NHLRC3: variants seen among roughly 807,000 people sequenced by gnomAD.
The protein encoded by NHLRC3 is NHL repeat-containing protein 3.
NHLRC3 carries 23 observed loss-of-function variants against 32.0 expected under a neutral mutation model. The observed-to-expected ratio is 0.72, with a 90% CI of 0.52 to 1.02. The LOEUF is 1.02. Ranked by LOEUF, NHLRC3 falls within the 50% of genes least tolerant of loss-of-function variation. The pLI is 0.00. For missense variants in NHLRC3, 407 were observed against 406.8 expected (o/e 1.00, Z -0.01); for synonymous variants, 159 against 147.9 (o/e 1.08, Z -0.55).
At position 39,039,565 on chromosome 13, in the gene NHLRC3, G is replaced by C. The variant is rs775410085; in HGVS notation, c.239G>C (p.Arg80Thr). The change falls in exon 3 of 7, where the codon AGA becomes ACA. Residue 80 changes from arginine to threonine, a missense_variant and splice_region_variant. Physicochemically the swap from Arg to Thr is moderately conservative, Grantham distance 71 (BLOSUM62 -1). Transcript: ENST00000379600. ...AAGTTATTTTTTGTATACCTTCAGA[G>C]AGGGGATAACATCCCAAAGATATTA... ...SLNGLVYIGQ[R>T]GDNIPKILVF... 2.5e-6 allele frequency: 4 copies of C among 1,609,964 alleles called. No homozygotes were observed. In the South Asian group the frequency reaches 4.4e-5, roughly 18 times the overall value.
In NHLRC3 at chr13:39,048,902, C is replaced by T. The variant is rs540937479; in HGVS notation, c.*976C>T. The T allele has an allele frequency of 2.0e-5, 3 of 152,354 alleles. No homozygotes were observed. The highest frequency in any genetic ancestry group is 4.2e-4 in the South Asian group (2 of 4,796). 9.4% of individuals were successfully genotyped at this position (152,354 alleles called of 1,614,324 possible). ...TCAACTTATTCCTAACATTTGTCTA[C>T]CTCAAAGAAATTTCAAGATTATTTA... On this transcript the variant is annotated 3_prime_UTR_variant, in exon 7 of 7. Transcript: ENST00000379600.
intron 5 of NHLRC3, among the ~76,000 whole-genome samples, chr13:39,046,202 C>A (rs1237924583): frequency 6.6e-6 from 1 of 152,186 alleles, no homozygotes; most frequent in Non-Finnish European, 1.5e-5. Context: ...CCTGTAGTCT[C>A]AGCTACTCGG....
chr13:39,043,931 GAAATGGGC>G (rs965448082), intron 4 of NHLRC3, among the ~76,000 whole-genome samples, 151 bp from the exon 5 acceptor site: 9 of 152,134 alleles, frequency 5.9e-5, no homozygotes, highest in Middle Eastern at 3.4e-3. Context: ...AAAACTGTAA[GAAATGGGC>G]AAATGGGCAT....
Position 39,047,763 on chromosome 13 carries a change from G to A in NHLRC3, c.881G>A (p.Gly294Glu). Residue 294 changes from glycine to glutamate, a missense_variant, in exon 7 of 7, where the codon GGG (glycine) becomes GAG (glutamate). By Grantham distance (98) the Gly-to-Glu change is moderately conservative. Coordinates refer to ENST00000379600, the MANE Select transcript of NHLRC3 (RefSeq NM_001012754.4). ...GCAGCACCCCCAGTGGGAAGCATTG[G>A]GGAGTGTTCTGTGATCAGCACAATC... ...VVAAPPVGSIGECSVISTIQL... is the reference protein window; with the variant it reads ...VVAAPPVGSIEECSVISTIQL... The A allele has an allele frequency of 6.2e-7, 1 of 1,614,104 alleles. No individual in the cohort carries two copies.
At position 39,039,213 on chromosome 13, in the gene NHLRC3, G is replaced by A. The variant is rs1413807352; in HGVS notation, c.162G>A (p.Lys54=). 1.9e-6 allele frequency: 3 copies of A among 1,613,898 alleles called. No homozygotes were observed. The East Asian group carries it at 6.7e-5, about 36-fold the overall frequency. ...ACCGGCTGGATGTGGGTTGGCCTAA[G>A]CACCCAGAATATTTTACCGGAACAA... The part of the protein sequence containing the change: ...ILYRLDVGWP[K]HPEYFTGTTF... The change falls in exon 2 of 7, where the codon AAG becomes AAA. Residue 54 remains lysine, a synonymous_variant. Coordinates refer to ENST00000379600, the MANE Select transcript of NHLRC3 (RefSeq NM_001012754.4).
rs1461674128 is a variant in NHLRC3 at position 39,047,033 on chromosome 13, T to A, written c.679-7T>A. 1 of 1,558,908 alleles carries A rather than the reference T, an allele frequency of 6.4e-7. No homozygotes were observed. On this transcript the variant is annotated splice_region_variant and splice_polypyrimidine_tract_variant and intron_variant, in intron 5 of 6. Coordinates refer to ENST00000379600, the MANE Select transcript of NHLRC3 (RefSeq NM_001012754.4). ...TTTTTCAATTGACATTTTTGTGTGT[T>A]TCTCAGGTGTGGGTTGCTGACCGAG...
chr13:39,043,915 A>G (rs1434401034), intron 4 of NHLRC3, among the ~76,000 whole-genome samples, 175 bp from the exon 5 acceptor site: 2 of 148,080 alleles, frequency 1.4e-5, no homozygotes, highest in African/African-American at 5.1e-5. Context: ...AAGGAACTTT[A>G]AAAAAAAAAC....
intron 5 of NHLRC3, among the ~76,000 whole-genome samples, chr13:39,045,464 G>A (rs753453521): frequency 6.6e-5 from 10 of 152,262 alleles, no homozygotes; most frequent in Non-Finnish European, 1.3e-4. Flanking sequence ...ATACAAAATT[G>A]TGTTTTATAA....
intron 5 of NHLRC3, among the ~76,000 whole-genome samples, chr13:39,046,798 G>C (rs1234637542): frequency 6.6e-6 from 1 of 151,290 alleles, no homozygotes; most frequent in East Asian, 1.9e-4. Flanking sequence ...ACAGTAGACA[G>C]AGTATTATAA....
chr13:39,039,125 T>C lies in NHLRC3; in HGVS notation c.85-11T>C. ...GGTAAACTAAATCTGAATTGTCTGA[T>C]TTTGTTTAAGGTTTTGAGGAACTTT... On this transcript the variant is annotated splice_polypyrimidine_tract_variant and intron_variant, in intron 1 of 6. Coordinates refer to ENST00000379600, the MANE Select transcript of NHLRC3 (RefSeq NM_001012754.4). 1 of 1,609,988 alleles carries C rather than the reference T, an allele frequency of 6.2e-7. No homozygotes were observed. Among genetic ancestry groups the C allele is most frequent in the Non-Finnish European group, 8.5e-7 (1 of 1,177,826 alleles).
At chr13:39,039,485 T>C in intron 2 of NHLRC3, 79 bp from the exon 3 acceptor site, 1 of 1,331,496 alleles carries the variant, frequency 7.5e-7, no homozygotes, top group Non-Finnish European at 1.0e-6. Context: ...AAATTCTCAG[T>C]TATTTTTTTT....
intron 5 of NHLRC3, 155 bp downstream of exon 5, chr13:39,044,336 G>T (rs1871585875): frequency 3.3e-6 from 2 of 612,450 alleles, no homozygotes; most frequent in Admixed American, 2.7e-5. Flanking sequence ...TGTGTTAGTG[G>T]GTATGTCTGG....
intron 4 of NHLRC3, among the ~76,000 whole-genome samples, chr13:39,043,238 C>T (rs866872132): frequency 1.3e-5 from 2 of 152,072 alleles, no homozygotes; most frequent in East Asian, 1.9e-4. Context: ...AAAGAAACAA[C>T]GAAATCTAGG....
intron 2 of NHLRC3, 137 bp downstream of exon 2, chr13:39,039,425 G>T: frequency 9.3e-7 from 1 of 1,072,932 alleles, no homozygotes; most frequent in Non-Finnish European, 1.3e-6. Context: ...CAAGTATTTT[G>T]GTTTCGAATG....
At position 39,043,680 on chromosome 13, in the gene NHLRC3, A is replaced by G. The variant is rs572475129; in HGVS notation, c.587-410A>G. Among the ~76,000 whole-genome samples, 28 of 152,288 alleles carry G rather than the reference A, an allele frequency of 1.8e-4. 1 individual carries two copies. In the South Asian group the frequency reaches 5.8e-3, roughly 32 times the overall value. On this transcript the variant is annotated intron_variant, in intron 4 of 6. Transcript: ENST00000379600. ...GACTTGGACATCTTTTTAAAGGACC[A>G]CAGTTGAACCCACCGTAGTGCGTAA... is the stretch of plus-strand genomic sequence containing the variant.
At position 39,046,154 on chromosome 13, in the gene NHLRC3, A is replaced by G. The variant is rs994823693; in HGVS notation, c.679-886A>G. Among the ~76,000 whole-genome samples, 8 of 152,066 alleles carry G rather than the reference A, an allele frequency of 5.3e-5. No homozygotes were observed. The South Asian group carries it at 1.0e-3, about 20-fold the overall frequency. ...ACCATGGTGAAACCCCATCTCTACT[A>G]AAAATACAAAAAAATTAGCCGGGCG... is the stretch of plus-strand genomic sequence containing the variant. On this transcript the variant is annotated intron_variant, in intron 5 of 6. Transcript: ENST00000379600.
intron 6 of NHLRC3, 31 bp from the exon 7 acceptor site, chr13:39,047,643 C>T (rs959659741): frequency 1.3e-6 from 2 of 1,582,962 alleles, no homozygotes; most frequent in East Asian, 2.3e-5. Flanking sequence ...TTTTCACAGA[C>T]ATTTATTATG....
At chr13:39,042,784 A>G (rs952728373) in intron 4 of NHLRC3, among the ~76,000 whole-genome samples, 1 of 152,184 alleles carries the variant, frequency 6.6e-6, no homozygotes. Context: ...AGGAGGAGAA[A>G]CTAAATTGCC....
intron 3 of NHLRC3, chr13:39,040,842 C>T (rs1871439531): frequency 6.6e-6 from 1 of 152,178 alleles, no homozygotes; most frequent in South Asian, 2.1e-4. Flanking sequence ...CATAAGATTT[C>T]TGGGCCTCAG....
Sources: gnomAD v4.1 joint callset for allele counts (sites outside exome capture counted in the v4.1 genomes callset) on GRCh38, gnomAD v4.1.1 for gene constraint, MANE v1.5 for transcripts, NCBI Gene and HGNC (gene_info 2026-07-23, HGNC 2026-07-21) for gene names.